SEMA5A: variants seen among roughly 807,000 people sequenced by gnomAD.
SEMA5A encodes semaphorin 5A, also known as semaphorin-5A.
In SEMA5A, 55 loss-of-function variants were observed where a neutral mutation model predicts 135.5. The observed-to-expected ratio is 0.41, with a 90% CI of 0.33 to 0.51. SEMA5A has a LOEUF of 0.51. Ranked by LOEUF, SEMA5A falls within the 20% of genes least tolerant of loss-of-function variation. SEMA5A has a pLI of 0.37. For missense variants in SEMA5A, 1,290 were observed against 1,419.9 expected, an observed-to-expected ratio of 0.91 and a Z score of 1.47; for synonymous variants, 580 against 546.5, an observed-to-expected ratio of 1.06 and a Z score of -0.85.
intron 5 of SEMA5A, among the ~76,000 whole-genome samples, chr5:9,251,888 G>T (rs758879489): frequency 1.3e-5 from 2 of 152,166 alleles, no homozygotes; most frequent in Non-Finnish European, 2.9e-5. Flanking sequence ...CTAGGGTATA[G>T]GTACCAGTAT....
chr5:9,545,096 G>A lies in SEMA5A; in HGVS notation c.-175+488C>T, dbSNP rs1738308713. ...TTGAGCCCAAGTCCCATTGCCTCCC[G>A]GTTCCCCTGTAAGGAAAGCAGGAAA... On this transcript the variant is annotated intron_variant, in intron 1 of 22. Coordinates refer to ENST00000382496, the MANE Select transcript of SEMA5A (RefSeq NM_003966.3). This position sits in a 1 kb window ranked among gnomAD's most constrained non-coding sequence, Gnocchi z 4.5. Among the ~76,000 whole-genome samples, 2 of 152,096 alleles carry A rather than the reference G, an allele frequency of 1.3e-5. No individual in the cohort carries two copies. Among genetic ancestry groups the A allele is most frequent in the Admixed American group, 6.5e-5 (1 of 15,284 alleles).
At chr5:9,341,645 CTATATATATATAATATATATAATATATAT>C (rs1753658372) in intron 3 of SEMA5A, among the ~76,000 whole-genome samples, 1 of 136,978 alleles carries the variant, frequency 7.3e-6, no homozygotes, top group Non-Finnish European at 1.5e-5. Flanking sequence ...GCCAATATGA[CTATATATATATAATATATATAATATATAT>C]TATATATATA....
At chr5:9,335,162 G>A (rs1252462984) in intron 4 of SEMA5A, among the ~76,000 whole-genome samples, 3 of 152,110 alleles carry the variant, frequency 2.0e-5, no homozygotes, top group Non-Finnish European at 4.4e-5. Context: ...GAAACTAGAA[G>A]ACACAGAGAT....
At chr5:9,082,421 G>A (rs1354561423) in intron 16 of SEMA5A, among the ~76,000 whole-genome samples, 1 of 152,108 alleles carries the variant, frequency 6.6e-6, no homozygotes, top group Non-Finnish European at 1.5e-5. Flanking sequence ...CTTCATTAGG[G>A]TTGATGTCTT....
chr5:9,440,774 G>A (rs139897206), intron 1 of SEMA5A, among the ~76,000 whole-genome samples: 1 of 152,344 alleles, frequency 6.6e-6, no homozygotes, highest in African/African-American at 2.4e-5. Context: ...AATGAGGTAA[G>A]ATGTAGACTT....
intron 11 of SEMA5A, among the ~76,000 whole-genome samples, chr5:9,160,787 GA>G (rs1743210933): frequency 6.6e-6 from 1 of 152,248 alleles, no homozygotes; most frequent in African/African-American, 2.4e-5. Flanking sequence ...GAGTCATTAG[GA>G]AAATGACCAA....
At chr5:9,455,779 T>C (rs1290816061) in intron 1 of SEMA5A, among the ~76,000 whole-genome samples, 1 of 152,200 alleles carries the variant, frequency 6.6e-6, no homozygotes, top group Non-Finnish European at 1.5e-5. Context: ...CAAGGACGTG[T>C]GTATAAATAA....
At chr5:9,329,308 G>C (rs1039961598) in intron 4 of SEMA5A, among the ~76,000 whole-genome samples, 1 of 152,180 alleles carries the variant, frequency 6.6e-6, no homozygotes, top group South Asian at 2.1e-4. Context: ...TGGTCTATGT[G>C]CCAACTACTC....
At chr5:9,362,856 G>A (rs1754757720) in intron 3 of SEMA5A, among the ~76,000 whole-genome samples, 1 of 152,094 alleles carries the variant, frequency 6.6e-6, no homozygotes, top group African/African-American at 2.4e-5. Context: ...ATTTTTTTAT[G>A]TGCAAAAGTG....
rs551915093 is a variant in SEMA5A, at chr5:9,124,559, C to T, written c.1600-1722G>A. On this transcript the variant is annotated intron_variant, in intron 13 of 22. Coordinates refer to ENST00000382496, the MANE Select transcript of SEMA5A (RefSeq NM_003966.3). ...GCAACCTCCACCTCCCAGGTTCAAA[C>T]GATTCTCATGCCTCAGCCTCCTGAG... is the stretch of plus-strand genomic sequence containing the variant. 1.1e-4 allele frequency among the ~76,000 whole-genome samples: 17 copies of T among 152,198 alleles called. No homozygotes were observed. In the East Asian group the frequency reaches 2.1e-3, roughly 19 times the overall value.
chr5:9,329,295 T>A (rs1753011948), intron 4 of SEMA5A, among the ~76,000 whole-genome samples: 1 of 152,204 alleles, frequency 6.6e-6, no homozygotes, highest in Non-Finnish European at 1.5e-5. Context: ...TAGTTTGCTT[T>A]TGTGGTCTAT....
chr5:9,534,854 T>C (rs1428740541), intron 1 of SEMA5A, among the ~76,000 whole-genome samples: 1 of 152,200 alleles, frequency 6.6e-6, no homozygotes, highest in Admixed American at 6.5e-5. Flanking sequence ...CCTACCTCAA[T>C]AGACAATTCC....
At chr5:9,146,452 A>G (rs1018101306) in intron 12 of SEMA5A, among the ~76,000 whole-genome samples, 2 of 152,242 alleles carry the variant, frequency 1.3e-5, no homozygotes, top group African/African-American at 4.8e-5. Context: ...AGGATGTATC[A>G]TAAGTGGTGA....
Position 9,334,916 on chromosome 5 carries a change from G to T in SEMA5A, c.224+2797C>A, listed in dbSNP as rs184096496. ...TCCACCATGCCATACAGCATGCTAG[G>T]TTGACTCAGCGGCCCATCCGATCCT... On this transcript the variant is annotated intron_variant, in intron 4 of 22. Transcript: ENST00000382496. Among the ~76,000 whole-genome samples, 138 of 152,302 alleles carry T rather than the reference G, an allele frequency of 9.1e-4. 1 individual carries two copies. Among genetic ancestry groups the T allele is most frequent in the African/African-American group, 3.3e-3 (136 of 41,566 alleles).
chr5:9,443,606 TATC>T (rs1410430640), intron 1 of SEMA5A, among the ~76,000 whole-genome samples: 1 of 152,258 alleles, frequency 6.6e-6, no homozygotes, highest in Non-Finnish European at 1.5e-5. Context: ...TTAACGTATT[TATC>T]ATCTCACATA....
At chr5:9,446,977 A>G (rs2126694386) in intron 1 of SEMA5A, among the ~76,000 whole-genome samples, 1 of 152,344 alleles carries the variant, frequency 6.6e-6, no homozygotes, top group African/African-American at 2.4e-5. Flanking sequence ...GAGGCAGACA[A>G]GTCTGTTAAG....
intron 5 of SEMA5A, among the ~76,000 whole-genome samples, chr5:9,265,243 C>A (rs1053342999): frequency 6.6e-6 from 1 of 152,128 alleles, no homozygotes; most frequent in Non-Finnish European, 1.5e-5. Flanking sequence ...GGGTCTCCAA[C>A]GGCCTAATTA....
chr5:9,490,811 G>T (rs1450002026), intron 1 of SEMA5A, among the ~76,000 whole-genome samples: 1 of 152,186 alleles, frequency 6.6e-6, no homozygotes, highest in African/African-American at 2.4e-5. Flanking sequence ...ACTTAGGCAA[G>T]ACTTAAATCT....
intron 16 of SEMA5A, among the ~76,000 whole-genome samples, chr5:9,075,679 A>G (rs761315534): frequency 6.6e-6 from 1 of 152,188 alleles, no homozygotes; most frequent in Non-Finnish European, 1.5e-5. Flanking sequence ...TGGGACGGGT[A>G]TCAGGGAGGT....
Sources: allele counts gnomAD v4.1 joint callset (sites outside exome capture counted in the v4.1 genomes callset), GRCh38; gene constraint gnomAD v4.1.1; non-coding constraint Gnocchi (gnomAD v3.1); transcripts MANE v1.5; gene names NCBI Gene and HGNC (gene_info 2026-07-23, HGNC 2026-07-21).